Variants in GPC3 observed in about 807,000 individuals in gnomAD.
GPC3 encodes glypican 3, also known as glypican-3.
GPC3 carries 3 observed loss-of-function variants against 34.4 expected under a neutral mutation model. The ratio of observed to expected loss-of-function variants is 0.09; its 90% CI spans 0.04 to 0.23. GPC3 has a LOEUF of 0.23. GPC3 is among the 10% of genes least tolerant of loss of function. The pLI is 1.00. For synonymous variants in GPC3, 177 were observed against 174.0 expected, an observed-to-expected ratio of 1.02 and a Z score of -0.13; for missense variants, 351 against 445.6, an observed-to-expected ratio of 0.79 and a Z score of 1.91.
chrX:133,772,148 A>T (rs2071928547), intron 2 of GPC3, among the ~76,000 whole-genome samples: 1 of 111,877 alleles, frequency 8.9e-6, no homozygotes, highest in Admixed American at 9.5e-5. Flanking sequence ...GAAAAAAACT[A>T]AACTAAAGAA....
Position 133,985,485 on chromosome X carries a change from T to C in GPC3, c.-36A>G, listed in dbSNP as rs1163474942. 1 of 1,146,229 alleles carries C rather than the reference T, an allele frequency of 8.7e-7. No individual in the cohort carries two copies. Among genetic ancestry groups the C allele is most frequent in the Non-Finnish European group, 1.2e-6 (1 of 857,206 alleles). The allele number at this position is 1,146,229 out of a possible 1,213,427, so 94.5% of individuals were successfully genotyped here. On this transcript the variant is annotated 5_prime_UTR_variant, in exon 1 of 8. Transcript: ENST00000370818. The stretch of plus-strand genomic sequence containing the variant: ...AGGGAGCTAGGAGAGCGCGGGAGAG[T>C]GGCAGCCGGAGCGAGAGCAGTCCCA...
chrX:133,643,831 G>GTTTTTTTTTTTT (rs778326133), intron 6 of GPC3, among the ~76,000 whole-genome samples: 1,787 of 96,539 alleles, frequency 0.019, 81 homozygotes, highest in African/African-American at 0.068. Context: ...TTGTTTTTAT[G>GTTTTTTTTTTTT]TTTTTTTTTT....
At chrX:133,593,752 C>T (rs2069879042) in intron 7 of GPC3, among the ~76,000 whole-genome samples, 4 of 110,875 alleles carry the variant, frequency 3.6e-5, no homozygotes, top group South Asian at 3.9e-4. Context: ...AGACCACCTA[C>T]GATGTGTCTG....
intron 2 of GPC3, among the ~76,000 whole-genome samples, chrX:133,938,867 A>G (rs1017527857): frequency 8.9e-6 from 1 of 112,202 alleles, no homozygotes. Flanking sequence ...AGACATTTCT[A>G]ACATAGTCTC....
intron 6 of GPC3, among the ~76,000 whole-genome samples, chrX:133,651,906 C>T (rs1387834828): frequency 1.8e-5 from 2 of 112,255 alleles, no homozygotes; most frequent in Non-Finnish European, 3.8e-5. Context: ...GAAATCTAGA[C>T]CCAGCATGTC....
At chrX:133,536,396 G>A (rs1175332368) in intron 7 of GPC3, 103 bp from the exon 8 acceptor site, 2 of 443,597 alleles carry the variant, frequency 4.5e-6, no homozygotes, top group Admixed American at 5.5e-5. Context: ...GAAAGCCTCA[G>A]CTTTGATTCC....
chrX:133,909,503 T>C (rs2076186787), intron 2 of GPC3, among the ~76,000 whole-genome samples: 1 of 112,145 alleles, frequency 8.9e-6, no homozygotes, highest in Non-Finnish European at 1.9e-5. Context: ...TTCTACTTTC[T>C]TCAATATGAA....
chrX:133,855,530 G>GATATATATATATATATATATATAT lies in GPC3; in HGVS notation c.337+97519_337+97520insATATATATATATATATATATATAT, dbSNP rs756213198. ...TAAGTTATACAATATGCTGTTACAA[G>GATATATATATATATATATATATAT]ATATATATATATATATATAGTAAAA... On this transcript the variant is annotated intron_variant, in intron 2 of 7. Coordinates refer to ENST00000370818, the MANE Select transcript of GPC3 (RefSeq NM_004484.4). Among the ~76,000 whole-genome samples, 458 of 91,060 alleles carry GATATATATATATATATATATATAT rather than the reference G, an allele frequency of 5.0e-3. 6 individuals carry two copies. Among genetic ancestry groups the GATATATATATATATATATATATAT allele is most frequent in the Non-Finnish European group, 6.9e-3 (315 of 45,710 alleles). 79.1% of individuals were successfully genotyped at this position (91,060 alleles called of 115,157 possible).
chrX:133,760,025 C>T (rs1435580936), intron 2 of GPC3, among the ~76,000 whole-genome samples: 1 of 111,357 alleles, frequency 9.0e-6, no homozygotes, highest in East Asian at 2.8e-4. Context: ...GGAAAAAAAA[C>T]TAGAAAAAGA....
At chrX:133,941,802 T>G (rs1409809811) in intron 2 of GPC3, among the ~76,000 whole-genome samples, 1 of 112,500 alleles carries the variant, frequency 8.9e-6, no homozygotes, top group Non-Finnish European at 1.9e-5. Flanking sequence ...TAAAGCAACT[T>G]ATACAAAATG....
At chrX:133,607,112 C>A (rs761579593) in intron 6 of GPC3, among the ~76,000 whole-genome samples, 67 of 110,591 alleles carry the variant, frequency 6.1e-4, no homozygotes, top group Non-Finnish European at 1.0e-3. Context: ...CTATATGGGA[C>A]CCCTGTGAGG....
At chrX:133,681,594 G>T (rs765470848) in intron 5 of GPC3, among the ~76,000 whole-genome samples, 1 of 112,200 alleles carries the variant, frequency 8.9e-6, no homozygotes, top group African/African-American at 3.2e-5. Flanking sequence ...GCACCTGCCA[G>T]CCATTTCCTG....
At chrX:133,655,146 A>G (rs770625968) in intron 6 of GPC3, among the ~76,000 whole-genome samples, 1 of 111,605 alleles carries the variant, frequency 9.0e-6, no homozygotes, top group African/African-American at 3.3e-5. Flanking sequence ...CATTTTCAAG[A>G]AATTTAGTAT....
chrX:133,543,386 G>A (rs779481680), intron 7 of GPC3, among the ~76,000 whole-genome samples: 11 of 112,151 alleles, frequency 9.8e-5, no homozygotes, highest in East Asian at 8.4e-4. Flanking sequence ...CCCAAAGTGC[G>A]TGGATTACAG....
chrX:133,601,746 C>T (rs2069983872), intron 6 of GPC3, among the ~76,000 whole-genome samples: 1 of 111,759 alleles, frequency 8.9e-6, no homozygotes, highest in Non-Finnish European at 1.9e-5. Context: ...GAGTGATTCT[C>T]TAAATTCCAT....
Position 133,800,635 on chromosome X carries a change from C to T in GPC3, c.338-46459G>A, listed in dbSNP as rs140345735. Among the ~76,000 whole-genome samples, 206 of 112,030 alleles carry T rather than the reference C, an allele frequency of 1.8e-3. 2 individuals are homozygous for T. Among genetic ancestry groups the T allele is most frequent in the South Asian group, 0.018 (48 of 2,648 alleles). On this transcript the variant is annotated intron_variant, in intron 2 of 7. Transcript: ENST00000370818. ...AAAGAAACAAAGCACATGTGAATGG[C>T]TTTGCAAGTAATACGGCGGGCTACA...
At chrX:133,864,133 A>G (rs952099619) in intron 2 of GPC3, among the ~76,000 whole-genome samples, 2 of 111,348 alleles carry the variant, frequency 1.8e-5, no homozygotes, top group African/African-American at 6.6e-5. Context: ...AGGGTGCAGT[A>G]AGGTGGTGGC....
At chrX:133,948,452 G>A (rs2076378979) in intron 2 of GPC3, among the ~76,000 whole-genome samples, 1 of 110,928 alleles carries the variant, frequency 9.0e-6, no homozygotes, top group Non-Finnish European at 1.9e-5. Context: ...ATTCAGAGAT[G>A]TCTTTTTCAT....
At chrX:133,968,386 T>C (rs1233853713) in intron 1 of GPC3, among the ~76,000 whole-genome samples, 5 of 112,539 alleles carry the variant, frequency 4.4e-5, no homozygotes, top group African/African-American at 1.3e-4. Context: ...TTCCTACAAA[T>C]GCTGAACCCA....
Sources: gnomAD v4.1 joint callset for allele counts (sites outside exome capture counted in the v4.1 genomes callset) on GRCh38, gnomAD v4.1.1 for gene constraint, MANE v1.5 for transcripts, NCBI Gene and HGNC (gene_info 2026-07-23, HGNC 2026-07-21) for gene names.